The following ELOVL3 variants were observed in gnomAD, a reference collection of about 807,000 sequenced individuals.
The protein encoded by ELOVL3 is ELOVL fatty acid elongase 3.
A neutral mutation model predicts 14.9 loss-of-function variants in ELOVL3; 11 were observed. That is an observed-to-expected ratio of 0.74 (90% CI 0.46 to 1.22). ELOVL3 has a LOEUF of 1.22. Among genes scored for constraint, ELOVL3 ranks in the 50% most tolerant of loss-of-function variants. ELOVL3 has a pLI of 0.00. For missense variants in ELOVL3, 277 were observed against 338.9 expected, an observed-to-expected ratio of 0.82 and a Z score of 1.43; for synonymous variants, 117 against 124.7, an observed-to-expected ratio of 0.94 and a Z score of 0.41.
chr10:102,227,659 G>C lies in ELOVL3; in HGVS notation c.135G>C (p.Leu45=), dbSNP rs752993519. 1.2e-6 allele frequency: 2 copies of C among 1,613,466 alleles called. No individual in the cohort carries two copies. The highest frequency in any genetic ancestry group is 1.7e-6 in the Non-Finnish European group (2 of 1,179,814). ...ATSFPIALIY[L]VLIAVGQNYM... ...CATTCCCCATAGCCCTGATCTACCT[G>C]GTTCTCATCGCTGTGGGGCAGAACT... The change falls in exon 2 of 4, where the codon CTG becomes CTC. Residue 45 remains leucine (L), a synonymous_variant. Coordinates refer to ENST00000370005, the MANE Select transcript of ELOVL3 (RefSeq NM_152310.3).
rs1331295648 is a variant in ELOVL3 at position 102,227,615 on chromosome 10, C to T, written c.102-11C>T. ...ACCCATGAGCCCATCCCTCTGCCTT[C>T]TGCTTGCCAGGGCAACCTCATTCCC... is the stretch of plus-strand genomic sequence containing the variant. On this transcript the variant is annotated splice_polypyrimidine_tract_variant and intron_variant, in intron 1 of 3. Coordinates refer to ENST00000370005, the MANE Select transcript of ELOVL3 (RefSeq NM_152310.3). 1.2e-6 allele frequency: 2 copies of T among 1,610,630 alleles called. No homozygotes were observed. Among genetic ancestry groups the T allele is most frequent in the African/African-American group, 2.7e-5 (2 of 74,738 alleles).
intron 1 of ELOVL3, 56 bp downstream of exon 1, chr10:102,226,705 G>T (rs2070139167): frequency 7.8e-7 from 1 of 1,278,174 alleles, no homozygotes. Flanking sequence ...GGGGCGCGAG[G>T]GGGTGGCATT....
intron 3 of ELOVL3, 31 bp from the exon 4 acceptor site, chr10:102,228,794 G>T (rs763721228): frequency 2.5e-6 from 4 of 1,582,668 alleles, no homozygotes; most frequent in Non-Finnish European, 8.6e-7. Context: ...AGCACTGGGT[G>T]GTATGCCAAC....
chr10:102,228,385 CACTT>C, intron 2 of ELOVL3, 28 bp from the exon 3 acceptor site: 1 of 1,608,106 alleles, frequency 6.2e-7, no homozygotes, highest in South Asian at 1.1e-5. Context: ...CTGGGGATGA[CACTT>C]ACACCATCTT....
At chr10:102,227,430 A>G (rs2070146681) in intron 1 of ELOVL3, among the ~76,000 whole-genome samples, 196 bp from the exon 2 acceptor site, 1 of 152,090 alleles carries the variant, frequency 6.6e-6, no homozygotes, top group African/African-American at 2.4e-5. Flanking sequence ...TAATACCCCC[A>G]GGAGAGATGT....
upstream of ELOVL3, among the ~76,000 whole-genome samples, chr10:102,225,205 T>G (rs991601197): frequency 3.3e-5 from 5 of 152,084 alleles, no homozygotes; most frequent in Non-Finnish European, 7.4e-5. Context: ...AGGTGAGAAG[T>G]GATGAGGTAC....
rs755099487 is a variant in ELOVL3 at position 102,229,061 on chromosome 10, T to C, written c.622T>C (p.Leu208=). 18 of 1,614,060 alleles carry C rather than the reference T, an allele frequency of 1.1e-5. No individual in the cohort carries two copies. The highest frequency in any genetic ancestry group is 3.3e-5 in the South Asian group (3 of 91,090). The change falls in exon 4 of 4, where the codon TTG becomes CTG. Residue 208 remains leucine (L), a synonymous_variant. Transcript: ENST00000370005. The part of the protein sequence containing the change: ...LPMLITSLQI[L]QMFVGAIVSI... ...CATGCTCATCACCAGCCTGCAGATC[T>C]TGCAGATGTTTGTAGGAGCCATCGT... is the stretch of plus-strand genomic sequence containing the variant.
rs779303068 is a variant in ELOVL3, at chr10:102,226,595, A to G, written c.47A>G (p.Gln16Arg). 1 of 1,614,140 alleles carries G rather than the reference A, an allele frequency of 6.2e-7. No homozygotes were observed. Among genetic ancestry groups the G allele is most frequent in the South Asian group, 1.1e-5 (1 of 91,082 alleles). ...TCACATGAAGTAAATCAGCTGTTCC[A>G]GCCCTATAACTTCGAGCTGTCCAAG... ...NVSHEVNQLF[Q>R]PYNFELSKDM... Residue 16 changes from glutamine to arginine, a missense_variant, in exon 1 of 4, where the codon CAG becomes CGG. Physicochemically the swap from Gln to Arg is conservative, Grantham distance 43. Transcript: ENST00000370005.
At position 102,227,749 on chromosome 10, in the gene ELOVL3, A is replaced by G. The variant is rs1011724411; in HGVS notation, c.225A>G (p.Ala75=). 6.2e-7 allele frequency: 1 copy of G among 1,613,684 alleles called. No homozygotes were observed. Residue 75 remains alanine, a synonymous_variant, in exon 2 of 4, where the codon GCA becomes GCG. Transcript: ENST00000370005. The part of the protein sequence containing the change: ...GPLILWSFCL[A]IFSILGAVRM... The stretch of plus-strand genomic sequence containing the variant: ...TCATCCTCTGGTCCTTCTGCCTTGC[A>G]ATCTTCAGGTAAGACCCCATCCCAC...
In ELOVL3 at chr10:102,226,374, G is replaced by C. The variant is rs1052942924; in HGVS notation, c.-175G>C. ...TATATATCGCAGTGGCTGCGCCCGG[G>C]ATAGCTGGCTGCGCCGCCGCGCACA... is the stretch of plus-strand genomic sequence containing the variant. On this transcript the variant is annotated 5_prime_UTR_variant, in exon 1 of 4. Transcript: ENST00000370005. 2.1e-5 allele frequency: 12 copies of C among 576,054 alleles called. No homozygotes were observed. The African/African-American group carries it at 2.3e-4, about 11-fold the overall frequency. 35.7% of individuals were successfully genotyped at this position (576,054 alleles called of 1,614,324 possible).
At chr10:102,227,828 C>T (rs570641098) in intron 2 of ELOVL3, 71 bp downstream of exon 2, 628 of 1,560,324 alleles carry the variant, frequency 4.0e-4, no homozygotes, top group Admixed American at 9.6e-4. Flanking sequence ...GAAGCTTTCC[C>T]GATTGCATCA....
At position 102,227,669 on chromosome 10, in the gene ELOVL3, G is replaced by A. The variant is rs755761829; in HGVS notation, c.145G>A (p.Ala49Thr). Residue 49 changes from alanine (A) to threonine (T), a missense_variant, in exon 2 of 4, where the codon GCT becomes ACT. Physicochemically the swap from Ala to Thr is moderately conservative, Grantham distance 58. Transcript: ENST00000370005. ...AGCCCTGATCTACCTGGTTCTCATC[G>A]CTGTGGGGCAGAACTACATGAAGGA... ...PIALIYLVLI[A>T]VGQNYMKERK... 5 of 1,613,532 alleles carry A rather than the reference G, an allele frequency of 3.1e-6. No homozygotes were observed. The East Asian group carries it at 1.1e-4, about 36-fold the overall frequency.
At chr10:102,228,617 C>T in intron 3 of ELOVL3, 49 bp downstream of exon 3, 2 of 1,599,396 alleles carry the variant, frequency 1.3e-6, no homozygotes, top group South Asian at 2.2e-5. Context: ...CTGCATCCTT[C>T]CTCAGGGCCC....
At chr10:102,226,131 G>A (rs574531368), upstream of ELOVL3, among the ~76,000 whole-genome samples, 1 of 152,334 alleles carries the variant, frequency 6.6e-6, no homozygotes, top group East Asian at 1.9e-4. Flanking sequence ...ACGTTTTACG[G>A]GAGAAAAGGC....
rs980500521 is a variant in ELOVL3 at position 102,229,424 on chromosome 10, G to T, written c.*172G>T. On this transcript the variant is annotated 3_prime_UTR_variant, in exon 4 of 4. Coordinates refer to ENST00000370005, the MANE Select transcript of ELOVL3 (RefSeq NM_152310.3). ...AGACAAGAAGGGTGACCTTGGGATG[G>T]GGGTGTGGTCTGTTACTTTAATGTT... The T allele has an allele frequency of 3.2e-6, 2 of 630,622 alleles. No homozygotes were observed. The highest frequency in any genetic ancestry group is 5.4e-6 in the Non-Finnish European group (2 of 367,532). The allele number at this position is 630,622 out of a possible 1,614,324, so 39.1% of individuals were successfully genotyped here. A position where few individuals can be genotyped will look rare whatever the true frequency, so the allele number is the denominator to read the frequency against.
In ELOVL3 at chr10:102,229,215, T is replaced by A; in HGVS notation, c.776T>A (p.Ile259Asn). The A allele has an allele frequency of 1.2e-6, 2 of 1,613,704 alleles. No individual in the cohort carries two copies. The highest frequency in any genetic ancestry group is 1.7e-6 in the Non-Finnish European group (2 of 1,179,796). Residue 259 changes from isoleucine to asparagine, a missense_variant, in exon 4 of 4, where the codon ATC becomes AAC. Physicochemically the swap from Ile to Asn is moderately radical, Grantham distance 149 (BLOSUM62 -3). Transcript: ENST00000370005. The part of the protein sequence containing the change: ...LFAHFFCQTY[I>N]RPKVKAKTKS... ...GCCCACTTCTTCTGCCAGACCTACA[T>A]CAGGCCCAAGGTCAAAGCCAAGACC... is the stretch of plus-strand genomic sequence containing the variant.
chr10:102,225,847 C>G (rs1368749792), upstream of ELOVL3, among the ~76,000 whole-genome samples: 1 of 152,232 alleles, frequency 6.6e-6, no homozygotes, highest in African/African-American at 2.4e-5. Context: ...TCTCCTTCCA[C>G]CCACTCACAA....
chr10:102,226,113 T>C (rs1295360968), upstream of ELOVL3, among the ~76,000 whole-genome samples: 1 of 151,802 alleles, frequency 6.6e-6, no homozygotes, highest in Non-Finnish European at 1.5e-5. Flanking sequence ...CCGCACAGGA[T>C]GGGGTGGACG....
chr10:102,229,037 A>G lies in ELOVL3; in HGVS notation c.598A>G (p.Met200Val), dbSNP rs2070169620. ...CGTGAAGCCCCCCAAGATGCTGCCC[A>G]TGCTCATCACCAGCCTGCAGATCTT... ...ANVKPPKMLP[M>V]LITSLQILQM... The change falls in exon 4 of 4, where the codon ATG becomes GTG. Residue 200 changes from methionine (M) to valine (V), a missense_variant. Transcript: ENST00000370005. 1.9e-6 allele frequency: 3 copies of G among 1,614,188 alleles called. No individual in the cohort carries two copies. The highest frequency in any genetic ancestry group is 2.5e-6 in the Non-Finnish European group (3 of 1,180,022).
Sources: gnomAD v4.1 joint callset for allele counts (sites outside exome capture counted in the v4.1 genomes callset) on GRCh38, gnomAD v4.1.1 for gene constraint, MANE v1.5 for transcripts, NCBI Gene and HGNC (gene_info 2026-07-23, HGNC 2026-07-21) for gene names.